The following TRRAP variants were observed in gnomAD, a reference collection of about 807,000 sequenced individuals.
The protein encoded by TRRAP is transformation/transcription domain-associated protein.
A neutral mutation model predicts 438.8 loss-of-function variants in TRRAP; 41 were observed. The observed-to-expected ratio is 0.09, with a 90% CI of 0.07 to 0.12. The LOEUF is 0.12. Among genes scored for constraint, TRRAP ranks in the 10% least tolerant of loss-of-function variants. The probability of loss-of-function intolerance (pLI) is 1.00; values close to 1 mark genes in which losing one functional copy is unlikely to be tolerated. For synonymous variants in TRRAP, 1,994 were observed against 1,962.9 expected (o/e 1.02, Z -0.42); for missense variants, 3,122 against 5,055.1 (o/e 0.62, Z 11.60).
Position 98,918,311 on chromosome 7 carries a change from A to G in TRRAP, c.2622+632A>G, listed in dbSNP as rs180679312. Among the ~76,000 whole-genome samples, 217 of 145,474 alleles carry G rather than the reference A, an allele frequency of 1.5e-3. 1 individual carries two copies. Among genetic ancestry groups the G allele is most frequent in the Admixed American group, 1.9e-3 (26 of 13,996 alleles). ...AGAGGCGCGATCTCGGCTCACTGCA[A>G]CCTCCGCCTCCCGGGTTCAAGCAAT... is the stretch of plus-strand genomic sequence containing the variant. On this transcript the variant is annotated intron_variant, in intron 20 of 72. Transcript: ENST00000456197.
At chr7:98,935,698 G>C (rs782804828) in intron 28 of TRRAP, 23 bp downstream of exon 28, 13 of 1,563,966 alleles carry the variant, frequency 8.3e-6, no homozygotes, top group Non-Finnish European at 1.1e-5. Context: ...AAATCTACGG[G>C]GTATAAAAGT....
chr7:98,882,495 T>C (rs1795497613), intron 3 of TRRAP, among the ~76,000 whole-genome samples: 1 of 151,766 alleles, frequency 6.6e-6, no homozygotes, highest in Admixed American at 6.6e-5. Flanking sequence ...TCAGGGTAGC[T>C]GAGACTATAG....
chr7:98,881,959 G>C lies in TRRAP; in HGVS notation c.101-16G>C. 1.2e-6 allele frequency: 2 copies of C among 1,604,912 alleles called. No homozygotes were observed. Among genetic ancestry groups the C allele is most frequent in the Non-Finnish European group, 8.5e-7 (1 of 1,177,742 alleles). On this transcript the variant is annotated splice_polypyrimidine_tract_variant and intron_variant, in intron 2 of 72. Coordinates refer to ENST00000456197, the MANE Select transcript of TRRAP (RefSeq NM_001375524.1). The stretch of plus-strand genomic sequence containing the variant: ...ACATAATTTCAATTACCTGATGCTT[G>C]TTTTGCCGTTCACAGCTGATGAAAC...
chr7:98,950,428 G>A (rs1361499702), intron 38 of TRRAP, among the ~76,000 whole-genome samples, 166 bp downstream of exon 38: 5 of 152,144 alleles, frequency 3.3e-5, no homozygotes, highest in East Asian at 1.9e-4. Flanking sequence ...AGGCCACAGC[G>A]GGAGGATTGC....
rs970253458 is a variant in TRRAP, at chr7:99,011,886, G to T, written c.11338-185G>T. ...TGGCTGCTGCTCCAAGTGGAGGAAGGGGTTTGTCCCCCAGCGGCTTCCCCA... is the reference window on the plus strand; with the variant it reads ...TGGCTGCTGCTCCAAGTGGAGGAAGTGGTTTGTCCCCCAGCGGCTTCCCCA... On this transcript the variant is annotated intron_variant, in intron 72 of 72. Coordinates refer to ENST00000456197, the MANE Select transcript of TRRAP (RefSeq NM_001375524.1). The surrounding 1 kb of genome is among the most constrained non-coding windows in gnomAD (Gnocchi z 7.1). Among the ~76,000 whole-genome samples the T allele has an allele frequency of 6.6e-6, 1 of 152,230 alleles. No individual in the cohort carries two copies. Among genetic ancestry groups the T allele is most frequent in the Admixed American group, 6.5e-5 (1 of 15,288 alleles).
At position 98,930,806 on chromosome 7, in the gene TRRAP, T is replaced by C. The variant is rs1213567852; in HGVS notation, c.3567T>C (p.Phe1189=). The part of the protein sequence containing the change: ...NQQTFLKALL[F]VMMDLTGEVS... Reference sequence around the variant, plus strand: ...AGACATTCCTGAAAGCACTTCTCTTTGTCATGATGGACTTAACTGGAGAGG... The same window carrying C: ...AGACATTCCTGAAAGCACTTCTCTTCGTCATGATGGACTTAACTGGAGAGG... The change falls in exon 25 of 73, where the codon TTT becomes TTC. Residue 1189 remains phenylalanine, a synonymous_variant. Transcript: ENST00000456197. 2 of 1,614,122 alleles carry C rather than the reference T, an allele frequency of 1.2e-6. No homozygotes were observed. The highest frequency in any genetic ancestry group is 1.3e-5 in the African/African-American group (1 of 74,932).
rs782703692 is a variant in TRRAP, at chr7:98,921,942, C to T, written c.2812C>T (p.Pro938Ser). ...FSDCKASLQL[P>S]MEKAIETALD... ...CGACTGCAAAGCTTCTCTCCAGCTCCCCATGGAGAAGGTAAGCTCTGTGAC... is the reference window on the plus strand; with the variant it reads ...CGACTGCAAAGCTTCTCTCCAGCTCTCCATGGAGAAGGTAAGCTCTGTGAC... The change falls in exon 21 of 73, where the codon CCC becomes TCC. Residue 938 changes from proline (P) to serine (S), a missense_variant. By Grantham distance (74) the Pro-to-Ser change is moderately conservative. Coordinates refer to ENST00000456197, the MANE Select transcript of TRRAP (RefSeq NM_001375524.1). The T allele has an allele frequency of 3.7e-6, 6 of 1,614,204 alleles. No individual in the cohort carries two copies. Among genetic ancestry groups the T allele is most frequent in the African/African-American group, 1.3e-5 (1 of 75,056 alleles).
intron 10 of TRRAP, 44 bp from the exon 11 acceptor site, chr7:98,900,580 C>A: frequency 1.3e-6 from 2 of 1,499,042 alleles, no homozygotes; most frequent in Non-Finnish European, 1.8e-6. Flanking sequence ...ATACTAACAT[C>A]ACTCATAATT....
At chr7:98,977,479 G>A (rs189451040) in intron 56 of TRRAP, among the ~76,000 whole-genome samples, 2 of 152,284 alleles carry the variant, frequency 1.3e-5, no homozygotes, top group African/African-American at 2.4e-5. Flanking sequence ...ATTTAAATAC[G>A]TTTTAAAGCA....
At chr7:98,999,880 G>A (rs562709330) in intron 67 of TRRAP, 7 of 396,242 alleles carry the variant, frequency 1.8e-5, no homozygotes, top group Middle Eastern at 3.9e-4. Context: ...TTAAATACTC[G>A]CCAGGGCCAG....
intron 33 of TRRAP, among the ~76,000 whole-genome samples, chr7:98,946,412 G>A (rs1554416840): frequency 6.6e-6 from 1 of 151,786 alleles, no homozygotes; most frequent in Non-Finnish European, 1.5e-5. Flanking sequence ...CCTCTTGCGT[G>A]CACACACACC....
At position 98,921,904 on chromosome 7, in the gene TRRAP, C is replaced by A; in HGVS notation, c.2774C>A (p.Thr925Asn). 6.2e-7 allele frequency: 1 copy of A among 1,614,222 alleles called. No homozygotes were observed. The highest frequency in any genetic ancestry group is 8.5e-7 in the Non-Finnish European group (1 of 1,180,040). The change falls in exon 21 of 73, where the codon ACT becomes AAT. Residue 925 changes from threonine to asparagine, a missense_variant. Transcript: ENST00000456197. ...ACCGAGGTTCAGGGCCCCAGCATCA[C>A]TGTGGAGTTTTCCGACTGCAAAGCT... ...VVTEVQGPSI[T>N]VEFSDCKASL... is the part of the protein sequence containing the mutation.
chr7:98,929,973 C>A lies in TRRAP; in HGVS notation c.3176-16C>A, dbSNP rs181440951. The A allele has an allele frequency of 6.2e-7, 1 of 1,612,986 alleles. No homozygotes were observed. The highest frequency in any genetic ancestry group is 1.3e-5 in the African/African-American group (1 of 74,868). ...GACAAGACTGTTCTCACGTGCCTTCCCATCTCTCCTTTTAGGCCCTTTCTT... is the reference window on the plus strand; with the variant it reads ...GACAAGACTGTTCTCACGTGCCTTCACATCTCTCCTTTTAGGCCCTTTCTT... On this transcript the variant is annotated splice_polypyrimidine_tract_variant and intron_variant, in intron 23 of 72. Coordinates refer to ENST00000456197, the MANE Select transcript of TRRAP (RefSeq NM_001375524.1).
intron 30 of TRRAP, among the ~76,000 whole-genome samples, chr7:98,938,798 T>C (rs1207189481): frequency 2.0e-5 from 3 of 152,242 alleles, no homozygotes; most frequent in Non-Finnish European, 2.9e-5. Context: ...GGTGTACATT[T>C]CTAGTTGTAG....
intron 20 of TRRAP, among the ~76,000 whole-genome samples, chr7:98,919,739 A>G (rs1171669663): frequency 6.6e-6 from 1 of 152,232 alleles, no homozygotes. Flanking sequence ...CCCAGGGTGC[A>G]TGAGCAGCTT....
At chr7:98,882,850 G>A (rs1240672885) in intron 3 of TRRAP, among the ~76,000 whole-genome samples, 1 of 152,074 alleles carries the variant, frequency 6.6e-6, no homozygotes, top group Non-Finnish European at 1.5e-5. Context: ...GTAGAGACCG[G>A]GTTTCACCAT....
Position 99,005,398 on chromosome 7 carries a change from G to T in TRRAP, c.10753+50G>T. On this transcript the variant is annotated intron_variant, in intron 69 of 72. Transcript: ENST00000456197. The surrounding 1 kb of genome is among the most constrained non-coding windows in gnomAD (Gnocchi z 5.1). ...TGGGTACACAGGCAGCTTCACAGGTGGGGATGAGAGCCACACCTCGTGGGG... is the reference window on the plus strand; with the variant it reads ...TGGGTACACAGGCAGCTTCACAGGTTGGGATGAGAGCCACACCTCGTGGGG... The T allele has an allele frequency of 6.3e-7, 1 of 1,577,552 alleles. No homozygotes were observed. The highest frequency in any genetic ancestry group is 8.7e-7 in the Non-Finnish European group (1 of 1,148,158).
chr7:98,909,430 C>A (rs1226064827), intron 14 of TRRAP, among the ~76,000 whole-genome samples: 1 of 152,184 alleles, frequency 6.6e-6, no homozygotes, highest in African/African-American at 2.4e-5. Context: ...TGCTTCACTT[C>A]TGTGCACCAG....
chr7:98,992,560 CGTGTGTGTGT>C (rs72517544), intron 65 of TRRAP, among the ~76,000 whole-genome samples: 2 of 149,220 alleles, frequency 1.3e-5, no homozygotes, highest in Admixed American at 6.7e-5. Flanking sequence ...TGCCAGCTGC[CGTGTGTGTGT>C]GTGTGTGTGT....
Sources: allele counts gnomAD v4.1 joint callset (sites outside exome capture counted in the v4.1 genomes callset), GRCh38; gene constraint gnomAD v4.1.1; non-coding constraint Gnocchi (gnomAD v3.1); transcripts MANE v1.5; gene names NCBI Gene and HGNC (gene_info 2026-07-23, HGNC 2026-07-21).